HDHD5: variants seen among roughly 807,000 people sequenced by gnomAD.
HDHD5 encodes the protein haloacid dehalogenase-like hydrolase domain-containing 5.
In HDHD5, 34 loss-of-function variants were observed where a neutral mutation model predicts 35.5. The ratio of observed to expected loss-of-function variants is 0.96; its 90% CI spans 0.73 to 1.28. The LOEUF (loss-of-function observed/expected upper bound fraction) is 1.28, where lower values mean the gene tolerates loss of function less well. HDHD5 is among the 50% of genes most tolerant of loss of function. The pLI is 0.00. For missense variants in HDHD5, 589 were observed against 560.2 expected (o/e 1.05, Z -0.52); for synonymous variants, 248 against 240.6 (o/e 1.03, Z -0.29).
At position 17,138,082 on chromosome 22, in the gene HDHD5, A is replaced by T; in HGVS notation, c.1211T>A (p.Val404Glu). 6.2e-7 allele frequency: 1 copy of T among 1,613,622 alleles called. No individual in the cohort carries two copies. Among genetic ancestry groups the T allele is most frequent in the Non-Finnish European group, 8.5e-7 (1 of 1,179,964 alleles). ...CTGCACAGCCTCATTCACGTCATTCACCACGTGGGAGGCCTCCATGAGCCC... is the reference window on the plus strand; with the variant it reads ...CTGCACAGCCTCATTCACGTCATTCTCCACGTGGGAGGCCTCCATGAGCCC... Reference protein sequence around the residue: ...SPGLMEASHVVNDVNEAVQLV... With the variant: ...SPGLMEASHVENDVNEAVQLV... The change falls in exon 8 of 8, where the codon GTG becomes GAG. Residue 404 changes from valine to glutamate, a missense_variant. Coordinates refer to ENST00000336737, the MANE Select transcript of HDHD5 (RefSeq NM_033070.3).
intron 4 of HDHD5, among the ~76,000 whole-genome samples, chr22:17,144,426 T>G (rs1425352451): frequency 2.0e-5 from 3 of 151,168 alleles, no homozygotes; most frequent in African/African-American, 4.9e-5. Context: ...TTTTTTTTTT[T>G]TTTTTGAGAC....
At chr22:17,138,431 C>A in intron 7 of HDHD5, 74 bp from the exon 8 acceptor site, 1 of 1,559,746 alleles carries the variant, frequency 6.4e-7, no homozygotes, top group Non-Finnish European at 8.7e-7. Flanking sequence ...GCAAAGGGAG[C>A]AGAGAAGAGT....
chr22:17,165,082 G>A, intron 1 of HDHD5: 1 of 688,542 alleles, frequency 1.5e-6, no homozygotes, highest in Non-Finnish European at 2.7e-6. Context: ...GGAGAATTCT[G>A]AGAAGGTGGA....
rs541729262 is a variant in HDHD5, at chr22:17,150,640, T to A, written c.127-895A>T. Among the ~76,000 whole-genome samples, 6 of 151,988 alleles carry A rather than the reference T, an allele frequency of 3.9e-5. No homozygotes were observed. The South Asian group carries it at 1.2e-3, about 32-fold the overall frequency. ...TTCAAGTGATTCTTCTGCCTCACTCTCCCGAATAGCTGGGATTACAGGTGC... is the reference window on the plus strand; with the variant it reads ...TTCAAGTGATTCTTCTGCCTCACTCACCCGAATAGCTGGGATTACAGGTGC... On this transcript the variant is annotated intron_variant, in intron 1 of 7. Transcript: ENST00000336737.
intron 1 of HDHD5, among the ~76,000 whole-genome samples, chr22:17,164,526 C>T (rs149010818): frequency 2.0e-5 from 3 of 152,346 alleles, no homozygotes; most frequent in East Asian, 3.9e-4. Context: ...TGCTCCCTCA[C>T]GGCCTTCACT....
upstream of HDHD5, among the ~76,000 whole-genome samples, chr22:17,160,264 G>A (rs1308301704): frequency 6.6e-6 from 1 of 152,124 alleles, no homozygotes; most frequent in Non-Finnish European, 1.5e-5. Flanking sequence ...TGTAATCCCA[G>A]AACTTTGGAA....
At chr22:17,143,166 G>C (rs1266440815) in intron 4 of HDHD5, 35 bp from the exon 5 acceptor site, 3 of 1,600,044 alleles carry the variant, frequency 1.9e-6, no homozygotes, top group African/African-American at 2.7e-5. Context: ...ATCAACACAA[G>C]TCGCCTTCCA....
At chr22:17,144,899 G>T in intron 4 of HDHD5, 125 bp downstream of exon 4, 1 of 1,156,816 alleles carries the variant, frequency 8.6e-7, no homozygotes, top group Non-Finnish European at 1.2e-6. Context: ...AGCCAGATGT[G>T]CCTCCAAAGA....
In HDHD5 at chr22:17,143,104, T is replaced by G; in HGVS notation, c.565A>C (p.Ile189Leu). The G allele has an allele frequency of 6.2e-7, 1 of 1,610,174 alleles. No individual in the cohort carries two copies. Among genetic ancestry groups the G allele is most frequent in the Admixed American group, 1.7e-5 (1 of 59,296 alleles). Residue 189 changes from isoleucine to leucine, a missense_variant, in exon 5 of 8, where the codon ATT becomes CTT. Ile to Leu is a conservative substitution (Grantham distance 5). Transcript: ENST00000336737. ...TPLPRNDFPR[I>L]EGVLLLGEPV... ...CAAAGAGGACCTCTCTTACCTTCAA[T>G]GCGGGGGAAGTCATTCCTCGGGAGG...
chr22:17,138,886 T>C (rs568341307), intron 6 of HDHD5, 148 bp from the exon 7 acceptor site: 4 of 771,030 alleles, frequency 5.2e-6, no homozygotes, highest in Middle Eastern at 6.0e-4. Context: ...GTGCAGGCAC[T>C]GGAGGCAGCA....
At chr22:17,139,470 G>A (rs574147685) in intron 6 of HDHD5, among the ~76,000 whole-genome samples, 21 of 152,068 alleles carry the variant, frequency 1.4e-4, no homozygotes, top group African/African-American at 4.3e-4. Flanking sequence ...GGAGGTTGCA[G>A]CGGGCCAAGA....
chr22:17,137,615 G>T lies in HDHD5; in HGVS notation c.*406C>A, dbSNP rs977203663. On this transcript the variant is annotated 3_prime_UTR_variant, in exon 8 of 8. Transcript: ENST00000336737. ...ACAATACAGTAAAAAGTAGCATCTG[G>T]TGTTAAGACACTCTGCCGACAGGCT... 11 of 178,546 alleles carry T rather than the reference G, an allele frequency of 6.2e-5. No homozygotes were observed. The highest frequency in any genetic ancestry group is 2.4e-4 in the African/African-American group (10 of 42,146). The allele number at this position is 178,546 out of a possible 1,614,324, so 11.1% of individuals were successfully genotyped here.
intron 1 of HDHD5, among the ~76,000 whole-genome samples, chr22:17,157,158 T>TA (rs1166615069): frequency 2.0e-5 from 3 of 151,798 alleles, no homozygotes; most frequent in African/African-American, 7.3e-5. Flanking sequence ...AAGATATATT[T>TA]AGTACAGCTG....
rs566273420 is a variant in HDHD5, at chr22:17,144,636, A to T, written c.537+388T>A. 2.8e-4 allele frequency among the ~76,000 whole-genome samples: 43 copies of T among 151,654 alleles called. 1 individual carries two copies. The highest frequency in any genetic ancestry group is 5.2e-4 in the Non-Finnish European group (35 of 67,888). ...ACCATGTTGGCCAGGCTGGTCTGGA[A>T]CTCCTGACCTCAGGTGATCCACCCG... On this transcript the variant is annotated intron_variant, in intron 4 of 7. Transcript: ENST00000336737.
rs1246642781 is a variant in HDHD5, at chr22:17,149,704, C to T, written c.168G>A (p.Val56=). Reference sequence around the variant, plus strand: ...GGATCACTCTGTGGCCCCGCACAAGCACTCCATCGATGTCCAACAGGAACC... The same window carrying T: ...GGATCACTCTGTGGCCCCGCACAAGTACTCCATCGATGTCCAACAGGAACC... ...TFGFLLDIDG[V]LVRGHRVIPA... Residue 56 remains valine, a synonymous_variant, in exon 2 of 8, where the codon GTG becomes GTA. Transcript: ENST00000336737. 1.9e-6 allele frequency: 3 copies of T among 1,614,118 alleles called. No homozygotes were observed. Among genetic ancestry groups the T allele is most frequent in the Non-Finnish European group, 2.5e-6 (3 of 1,180,042 alleles).
chr22:17,151,367 G>A (rs1006416535), intron 1 of HDHD5, among the ~76,000 whole-genome samples: 2 of 152,044 alleles, frequency 1.3e-5, no homozygotes, highest in African/African-American at 4.8e-5. Context: ...TGCCAACTAG[G>A]TCAAGTCATT....
chr22:17,141,332 C>T (rs2061599495), intron 5 of HDHD5, 99 bp from the exon 6 acceptor site: 4 of 1,465,634 alleles, frequency 2.7e-6, no homozygotes, highest in East Asian at 2.8e-5. Flanking sequence ...AGCCCTCCAC[C>T]CATGGTGCAC....
intron 1 of HDHD5, 74 bp downstream of exon 1, chr22:17,159,052 C>T: frequency 8.6e-7 from 1 of 1,167,830 alleles, no homozygotes; most frequent in Non-Finnish European, 1.1e-6. Context: ...GGCCGCCCCT[C>T]CTTCCCCGCG....
At chr22:17,157,135 A>G (rs1219449721) in intron 1 of HDHD5, among the ~76,000 whole-genome samples, 2 of 148,646 alleles carry the variant, frequency 1.3e-5, no homozygotes, top group African/African-American at 4.9e-5. Flanking sequence ...GCTATGGAAC[A>G]ATGATATAAA....
Sources: allele counts gnomAD v4.1 joint callset (sites outside exome capture counted in the v4.1 genomes callset), GRCh38; gene constraint gnomAD v4.1.1; transcripts MANE v1.5; gene names NCBI Gene and HGNC (gene_info 2026-07-23, HGNC 2026-07-21).